The following KIAA1328 variants were observed in gnomAD, a reference collection of about 807,000 sequenced individuals.
KIAA1328 encodes protein hinderin.
A neutral mutation model predicts 68.1 loss-of-function variants in KIAA1328; 52 were observed. The ratio of observed to expected loss-of-function variants is 0.76; its 90% confidence interval spans 0.61 to 0.96. The LOEUF (loss-of-function observed/expected upper bound fraction) is 0.96, where lower values mean the gene tolerates loss of function less well. Ranked by LOEUF, KIAA1328 falls within the 40% of genes least tolerant of loss-of-function variation. The pLI is 0.00. For synonymous variants in KIAA1328, 232 were observed against 239.4 expected, an observed-to-expected ratio of 0.97 and a Z score of 0.28; for missense variants, 641 against 677.6, an observed-to-expected ratio of 0.95 and a Z score of 0.60.
At chr18:36,878,548 G>C (rs2048219880) in intron 4 of KIAA1328, among the ~76,000 whole-genome samples, 1 of 152,112 alleles carries the variant, frequency 6.6e-6, no homozygotes, top group Non-Finnish European at 1.5e-5. Context: ...TCCTGAATTT[G>C]AATGTTGGCC....
At chr18:37,005,335 GTA>G (rs1423876655) in intron 6 of KIAA1328, among the ~76,000 whole-genome samples, 1 of 151,832 alleles carries the variant, frequency 6.6e-6, no homozygotes, top group Non-Finnish European at 1.5e-5. Flanking sequence ...TGGCCAACAG[GTA>G]TATGAAAAAG....
chr18:36,928,301 G>A (rs577595971), intron 5 of KIAA1328, among the ~76,000 whole-genome samples: 73 of 152,244 alleles, frequency 4.8e-4, no homozygotes, highest in African/African-American at 1.6e-3. Flanking sequence ...ATGGGCTAGT[G>A]ATTAAGAGTA....
intron 5 of KIAA1328, among the ~76,000 whole-genome samples, chr18:36,904,412 G>A (rs1309568764): frequency 6.6e-6 from 1 of 151,976 alleles, no homozygotes; most frequent in East Asian, 1.9e-4. Context: ...TCCATTTTTA[G>A]ATGCACAAAG....
intron 8 of KIAA1328, among the ~76,000 whole-genome samples, chr18:37,167,150 G>A (rs1358972954): frequency 1.3e-5 from 2 of 152,206 alleles, no homozygotes; most frequent in Non-Finnish European, 2.9e-5. Context: ...ACCTCTAGGG[G>A]GAGCATGCAG....
intron 5 of KIAA1328, among the ~76,000 whole-genome samples, chr18:36,958,431 C>G (rs950613537): frequency 4.6e-5 from 7 of 152,094 alleles, no homozygotes; most frequent in African/African-American, 1.7e-4. Context: ...AACTTATTTT[C>G]CAAAGTGGCA....
intron 7 of KIAA1328, among the ~76,000 whole-genome samples, chr18:37,129,435 A>C (rs981223939): frequency 6.6e-6 from 1 of 152,214 alleles, no homozygotes; most frequent in Non-Finnish European, 1.5e-5. Flanking sequence ...ATGATAAGCA[A>C]AAAGTCAATA....
At chr18:36,847,294 A>G (rs1463090109) in intron 4 of KIAA1328, among the ~76,000 whole-genome samples, 2 of 151,526 alleles carry the variant, frequency 1.3e-5, no homozygotes, top group Non-Finnish European at 3.0e-5. Context: ...TTATATGTTA[A>G]GTGTGTCTAT....
chr18:36,939,152 A>C (rs1439339918), intron 5 of KIAA1328, among the ~76,000 whole-genome samples: 1 of 152,086 alleles, frequency 6.6e-6, no homozygotes, highest in Non-Finnish European at 1.5e-5. Flanking sequence ...AATTTTGATA[A>C]AAATGGCACT....
At chr18:36,913,120 A>G (rs2049523315) in intron 5 of KIAA1328, among the ~76,000 whole-genome samples, 1 of 151,910 alleles carries the variant, frequency 6.6e-6, no homozygotes, top group South Asian at 2.1e-4. Context: ...TGCCTGTGGT[A>G]TTTTGGGAGT....
intron 6 of KIAA1328, among the ~76,000 whole-genome samples, chr18:37,030,936 G>A (rs1320295431): frequency 1.3e-5 from 2 of 151,568 alleles, no homozygotes; most frequent in Non-Finnish European, 2.9e-5. Context: ...TGTGGTGTTT[G>A]GTTTTCTGTC....
chr18:36,848,092 C>T (rs1298301246), intron 4 of KIAA1328, among the ~76,000 whole-genome samples: 1 of 151,544 alleles, frequency 6.6e-6, no homozygotes, highest in Non-Finnish European at 1.5e-5. Context: ...TTAGAATCAG[C>T]TTGTCAATTT....
chr18:37,021,681 GCTTTGGAACCCCCCTCCCT>G (rs2054350760), intron 6 of KIAA1328, among the ~76,000 whole-genome samples: 1 of 151,950 alleles, frequency 6.6e-6, no homozygotes, highest in Non-Finnish European at 1.5e-5. Flanking sequence ...TCCTCTCTTG[GCTTTGGAACCCCCCTCCCT>G]CTGTCTCTGT....
At chr18:36,913,479 T>TACACACAC (rs10582262) in intron 5 of KIAA1328, among the ~76,000 whole-genome samples, 1,192 of 91,406 alleles carry the variant, frequency 0.013, 25 homozygotes, top group East Asian at 0.043. Context: ...ATTACAACCT[T>TACACACAC]ACACACACAC....
chr18:37,068,525 G>T (rs576137259), intron 7 of KIAA1328, among the ~76,000 whole-genome samples: 1 of 152,276 alleles, frequency 6.6e-6, no homozygotes, highest in Admixed American at 6.5e-5. Flanking sequence ...TCTAATACGT[G>T]TATAGTGACA....
chr18:36,968,364 C>T (rs901340427), intron 6 of KIAA1328, among the ~76,000 whole-genome samples: 1 of 152,042 alleles, frequency 6.6e-6, no homozygotes, highest in Non-Finnish European at 1.5e-5. Flanking sequence ...ATGTTGTGTT[C>T]AAGAGACCCA....
chr18:36,948,127 G>A (rs1236816398), intron 5 of KIAA1328, among the ~76,000 whole-genome samples: 2 of 152,088 alleles, frequency 1.3e-5, no homozygotes, highest in Non-Finnish European at 2.9e-5. Flanking sequence ...TTTTGCAGGA[G>A]TATGAAGAAA....
intron 9 of KIAA1328, among the ~76,000 whole-genome samples, chr18:37,197,962 G>A (rs2060034701): frequency 6.6e-6 from 1 of 152,196 alleles, no homozygotes; most frequent in African/African-American, 2.4e-5. Flanking sequence ...TCCATCATGT[G>A]ATGAATGGAT....
chr18:37,037,121 T>C (rs571710256), intron 6 of KIAA1328, among the ~76,000 whole-genome samples: 128 of 152,336 alleles, frequency 8.4e-4, no homozygotes, highest in Middle Eastern at 6.8e-3. Context: ...CTACAAACTG[T>C]ACTGTTCATT....
intron 4 of KIAA1328, among the ~76,000 whole-genome samples, chr18:36,872,019 A>T (rs1477372757): frequency 6.6e-6 from 1 of 152,192 alleles, no homozygotes; most frequent in Non-Finnish European, 1.5e-5. Flanking sequence ...AGGAAACAGT[A>T]GTTGCCATGG....
Sources: gnomAD v4.1 joint callset for allele counts (sites outside exome capture counted in the v4.1 genomes callset) on GRCh38, gnomAD v4.1.1 for gene constraint, MANE v1.5 for transcripts, NCBI Gene and HGNC (gene_info 2026-07-23, HGNC 2026-07-21) for gene names.